The following COL4A4 variants were observed in gnomAD, a reference collection of about 807,000 sequenced individuals.
COL4A4 encodes collagen alpha-4(IV) chain.
Under a neutral mutation model 192.9 loss-of-function variants are expected in COL4A4, and 105 were observed. That is an observed-to-expected ratio of 0.54 (90% CI 0.46 to 0.64). COL4A4 has a LOEUF of 0.64. COL4A4 is among the 30% of genes least tolerant of loss of function. COL4A4 has a pLI of 0.00. For synonymous variants in COL4A4, 762 were observed against 769.9 expected (o/e 0.99, Z 0.17); for missense variants, 1,967 against 2,169.3 (o/e 0.91, Z 1.85).
intron 28 of COL4A4, among the ~76,000 whole-genome samples, chr2:227,057,951 T>C (rs557365707): frequency 2.4e-4 from 36 of 152,344 alleles, no homozygotes; most frequent in African/African-American, 4.8e-4. Flanking sequence ...ACTGTATGAA[T>C]TTGCATTTTA....
At chr2:227,136,066 C>G (rs1196085712) in intron 4 of COL4A4, among the ~76,000 whole-genome samples, 1 of 152,196 alleles carries the variant, frequency 6.6e-6, no homozygotes, top group African/African-American at 2.4e-5. Context: ...GGTAGGCAAA[C>G]TATATTTCAA....
At chr2:227,015,498 C>G (rs1285084924) in intron 44 of COL4A4, among the ~76,000 whole-genome samples, 1 of 152,076 alleles carries the variant, frequency 6.6e-6, no homozygotes, top group Non-Finnish European at 1.5e-5. Flanking sequence ...AGAACCAAAG[C>G]CTTAAATGTT....
intron 25 of COL4A4, among the ~76,000 whole-genome samples, chr2:227,073,776 AC>A (rs2058854604): frequency 6.6e-6 from 1 of 152,124 alleles, no homozygotes; most frequent in African/African-American, 2.4e-5. Context: ...AACAAAGCAT[AC>A]AAAAACAAAA....
chr2:227,088,529 G>A (rs1034966626), intron 22 of COL4A4, 124 bp downstream of exon 22: 38 of 1,276,828 alleles, frequency 3.0e-5, no homozygotes, highest in Admixed American at 2.9e-4. Context: ...ACAGAACTGC[G>A]AGTCAATTAA....
chr2:226,999,840 C>CTAAG (rs757496929), downstream of COL4A4, among the ~76,000 whole-genome samples: 2 of 152,186 alleles, frequency 1.3e-5, no homozygotes, highest in African/African-American at 2.4e-5. Flanking sequence ...GATCCCTTCT[C>CTAAG]TAAGTATTTT....
intron 19 of COL4A4, among the ~76,000 whole-genome samples, chr2:227,097,208 T>C (rs997237505): frequency 6.6e-5 from 10 of 152,210 alleles, no homozygotes; most frequent in South Asian, 2.1e-4. Context: ...TGGGCTACAG[T>C]GTGTGGCATC....
chr2:227,031,415 C>A (rs541328177), intron 40 of COL4A4, among the ~76,000 whole-genome samples: 20 of 152,222 alleles, frequency 1.3e-4, no homozygotes, highest in Non-Finnish European at 2.5e-4. Flanking sequence ...CTAGCCTAAA[C>A]CTACTTGGTC....
rs561079790 is a variant in COL4A4 at position 227,123,485 on chromosome 2, C to T, written c.193-2337G>A. On this transcript the variant is annotated intron_variant, in intron 4 of 47. Transcript: ENST00000396625. The surrounding 1 kb of genome is among the most constrained non-coding windows in gnomAD (Gnocchi z 4.6). Reference sequence around the variant, plus strand: ...CAGGTCAGGAACAGAGCGCGACCCACGGAAGTGAAGGCAGCCAAGAAAGGG... The same window carrying T: ...CAGGTCAGGAACAGAGCGCGACCCATGGAAGTGAAGGCAGCCAAGAAAGGG... Among the ~76,000 whole-genome samples, 44 of 152,262 alleles carry T rather than the reference C, an allele frequency of 2.9e-4. No individual in the cohort carries two copies. Among genetic ancestry groups the T allele is most frequent in the Admixed American group, 2.3e-3 (35 of 15,294 alleles).
chr2:227,010,365 C>T lies in COL4A4; in HGVS notation c.4470G>A (p.Gly1490=), dbSNP rs1308858968. The T allele has an allele frequency of 6.2e-7, 1 of 1,614,220 alleles. No homozygotes were observed. The highest frequency in any genetic ancestry group is 8.5e-7 in the Non-Finnish European group (1 of 1,180,034). The change falls in exon 46 of 48, where the codon GGG becomes GGA. Residue 1490 remains glycine, a synonymous_variant. Coordinates refer to ENST00000396625, the MANE Select transcript of COL4A4 (RefSeq NM_000092.5). ...GCCCTTCCAGGTATAACAGACTATA[C>T]CCAGTCCAGAGCCTGGGCATGCCCA... ...CPLGMPRLWT[G]YSLLYLEGQE... is the part of the protein sequence containing the mutation.
chr2:227,116,153 C>T (rs74549075), intron 7 of COL4A4, among the ~76,000 whole-genome samples: 7,435 of 144,136 alleles, frequency 0.052, 617 homozygotes, highest in African/African-American at 0.21. Context: ...AGGGAAGAAA[C>T]GTAACAATGT....
At chr2:226,975,840 A>C in the COL4A4 span, among the ~76,000 whole-genome samples, 1 of 152,164 alleles carries the variant, frequency 6.6e-6, no homozygotes, top group Non-Finnish European at 1.5e-5. Flanking sequence ...GCAAGATTTC[A>C]TTGTCACCAA....
At chr2:227,122,988 C>A (rs919803372) in intron 4 of COL4A4, among the ~76,000 whole-genome samples, 4 of 152,248 alleles carry the variant, frequency 2.6e-5, no homozygotes, top group Admixed American at 1.3e-4. Context: ...CCTCAGCCTC[C>A]CAAGTAGCTG....
In COL4A4 at chr2:227,066,399, C is replaced by G. The variant is rs548297921; in HGVS notation, c.1988-3801G>C. On this transcript the variant is annotated intron_variant, in intron 25 of 47. Transcript: ENST00000396625. Reference sequence around the variant, plus strand: ...AGATACTCCTCGAGAAGAGCAACTCCAAGACACATAATTGTCAGATTCACC... The same window carrying G: ...AGATACTCCTCGAGAAGAGCAACTCGAAGACACATAATTGTCAGATTCACC... 2.6e-3 allele frequency among the ~76,000 whole-genome samples: 397 copies of G among 151,614 alleles called. 1 individual carries two copies. Among genetic ancestry groups the G allele is most frequent in the African/African-American group, 8.9e-3 (369 of 41,360 alleles).
At position 227,008,008 on chromosome 2, in the gene COL4A4, C is replaced by CG. The variant is rs759784585; in HGVS notation, c.4809+9dup. ...GAATGAGCCAGGGTTTTCAAGGGCA[C>CG]GGGACTCACCATCAGGAATGAATAC... On this transcript the variant is annotated intron_variant, in intron 47 of 47. Coordinates refer to ENST00000396625, the MANE Select transcript of COL4A4 (RefSeq NM_000092.5). 3.2e-5 allele frequency: 51 copies of CG among 1,607,604 alleles called. 1 individual carries two copies. The South Asian group carries it at 4.2e-4, about 13-fold the overall frequency.
intron 4 of COL4A4, among the ~76,000 whole-genome samples, chr2:227,135,243 G>A (rs953016338): frequency 6.1e-5 from 8 of 131,856 alleles, no homozygotes; most frequent in Non-Finnish European, 1.3e-4. Flanking sequence ...GGACCAACCA[G>A]CCCCCTCTAG....
Position 227,051,052 on chromosome 2 carries a change from A to G in COL4A4, c.3075T>C (p.Pro1025=), listed in dbSNP as rs1973991127. ...AGCCTGGAGGGCCTGGGGGTCCAGGAGGCCCTGGCTGACCTTTCTCACCAG... is the reference window on the plus strand; with the variant it reads ...AGCCTGGAGGGCCTGGGGGTCCAGGGGGCCCTGGCTGACCTTTCTCACCAG... ...GEPGEKGQPG[P]PGPPGPPGST... is the part of the protein sequence containing the mutation. The change falls in exon 33 of 48, where the codon CCT becomes CCC. Residue 1025 remains proline (P), a synonymous_variant. Transcript: ENST00000396625. 1 of 1,614,184 alleles carries G rather than the reference A, an allele frequency of 6.2e-7. No homozygotes were observed. The highest frequency in any genetic ancestry group is 8.5e-7 in the Non-Finnish European group (1 of 1,180,030).
chr2:227,122,216 C>T (rs970290371), intron 4 of COL4A4, among the ~76,000 whole-genome samples: 4 of 152,128 alleles, frequency 2.6e-5, no homozygotes, highest in South Asian at 2.1e-4. Context: ...CCATCTAAAG[C>T]GATATCCCGA....
intron 4 of COL4A4, among the ~76,000 whole-genome samples, chr2:227,136,742 C>T (rs979346443): frequency 1.3e-5 from 2 of 151,406 alleles, no homozygotes; most frequent in Non-Finnish European, 2.9e-5. Context: ...TTTGATGAAA[C>T]TACTACCTAC....
In COL4A4 at chr2:227,099,661, C is replaced by A; in HGVS notation, c.1058G>T (p.Gly353Val). The part of the protein sequence containing the change: ...KGDPGNRGHP[G>V]PPGVLVTPPL... ...TGGAGTCACCAAAACACCTGGTGGT[C>A]CTGGGTGCCCTCGATTTCCAGGATC... Residue 353 changes from glycine to valine, a missense_variant, in exon 18 of 48, where the codon GGA becomes GTA. By Grantham distance (109) the Gly-to-Val change is moderately radical (BLOSUM62 -3). Coordinates refer to ENST00000396625, the MANE Select transcript of COL4A4 (RefSeq NM_000092.5). The A allele has an allele frequency of 6.2e-7, 1 of 1,614,106 alleles. No homozygotes were observed. The highest frequency in any genetic ancestry group is 8.5e-7 in the Non-Finnish European group (1 of 1,180,002).
Sources: gnomAD v4.1 joint callset for allele counts (sites outside exome capture counted in the v4.1 genomes callset) on GRCh38, gnomAD v4.1.1 for gene constraint, Gnocchi (gnomAD v3.1) non-coding constraint, MANE v1.5 for transcripts, NCBI Gene and HGNC (gene_info 2026-07-23, HGNC 2026-07-21) for gene names.